SPG11: variants seen among roughly 807,000 people sequenced by gnomAD.
The protein encoded by SPG11 is SPG11 vesicle trafficking associated, spatacsin.
A neutral mutation model predicts 274.0 loss-of-function variants in SPG11; 222 were observed. The ratio of observed to expected loss-of-function variants is 0.81; its 90% CI spans 0.73 to 0.91. The LOEUF is 0.91. Among genes scored for constraint, SPG11 ranks in the 40% least tolerant of loss-of-function variants. The probability of loss-of-function intolerance (pLI) is 0.00; values close to 1 mark genes in which losing one functional copy is unlikely to be tolerated. For synonymous variants in SPG11, 1,144 were observed against 1,039.7 expected (o/e 1.10, Z -1.93); for missense variants, 3,114 against 2,872.7 (o/e 1.08, Z -1.92).
At chr15:44,588,025 A>T (rs1185336417) in intron 28 of SPG11, among the ~76,000 whole-genome samples, 1 of 152,160 alleles carries the variant, frequency 6.6e-6, no homozygotes, top group African/African-American at 2.4e-5. Context: ...CCTTTTAGTC[A>T]TCAGATCCAC....
At chr15:44,594,595 C>CGAA (rs2082986359) in intron 26 of SPG11, among the ~76,000 whole-genome samples, 1 of 76,346 alleles carries the variant, frequency 1.3e-5, no homozygotes, top group African/African-American at 4.4e-5. Flanking sequence ...ATTAAAAATG[C>CGAA]GAAAAAAAAA....
rs770702010 is a variant in SPG11 at position 44,611,002 on chromosome 15, A to G, written c.3146-17T>C. On this transcript the variant is annotated splice_polypyrimidine_tract_variant and intron_variant, in intron 17 of 39. Transcript: ENST00000261866. ...GTTTGGGATCTGGAAAATAAAAGAC[A>G]GTGTTTTTCTCCTTAAGAGGGATAA... 6 of 1,607,862 alleles carry G rather than the reference A, an allele frequency of 3.7e-6. 1 individual carries two copies. The highest frequency in any genetic ancestry group is 1.7e-4 in the Middle Eastern group (1 of 6,042).
At chr15:44,603,702 G>A (rs895365169) in intron 20 of SPG11, among the ~76,000 whole-genome samples, 13 of 152,134 alleles carry the variant, frequency 8.5e-5, no homozygotes, top group Admixed American at 8.5e-4. Context: ...AAAATCCACA[G>A]AAGGATGCTC....
chr15:44,644,065 G>A (rs1463057465), intron 7 of SPG11, among the ~76,000 whole-genome samples: 1 of 151,882 alleles, frequency 6.6e-6, no homozygotes, highest in Non-Finnish European at 1.5e-5. Context: ...TACTCAGGAG[G>A]CTGAGGCAGG....
chr15:44,582,762 A>G (rs2082681946), intron 30 of SPG11, among the ~76,000 whole-genome samples: 1 of 145,948 alleles, frequency 6.9e-6, no homozygotes, highest in East Asian at 2.0e-4. Flanking sequence ...TAGTCTAACG[A>G]AAAAAAAAAC....
chr15:44,661,344 A>T (rs992007656), intron 1 of SPG11, among the ~76,000 whole-genome samples: 1 of 152,222 alleles, frequency 6.6e-6, no homozygotes, highest in Non-Finnish European at 1.5e-5. Context: ...TAAATTACAC[A>T]TTACAAATAA....
At chr15:44,659,333 T>G in intron 2 of SPG11, 30 bp from the exon 3 acceptor site, 1 of 1,573,346 alleles carries the variant, frequency 6.4e-7, no homozygotes, top group Non-Finnish European at 8.7e-7. Flanking sequence ...TATTTCAAAC[T>G]CATTGGTCAC....
intron 5 of SPG11, 34 bp from the exon 6 acceptor site, chr15:44,651,973 T>G: frequency 6.3e-7 from 1 of 1,596,754 alleles, no homozygotes; most frequent in Non-Finnish European, 8.5e-7. Context: ...TTAACACCTG[T>G]CACAGTAAAA....
At chr15:44,620,671 A>T in intron 14 of SPG11, 1 of 377,578 alleles carries the variant, frequency 2.6e-6, no homozygotes, top group Non-Finnish European at 4.8e-6. Flanking sequence ...AGTAGCAGGG[A>T]CTACAGGGAT....
At chr15:44,593,635 G>C (rs1405488087) in intron 26 of SPG11, among the ~76,000 whole-genome samples, 1 of 152,080 alleles carries the variant, frequency 6.6e-6, no homozygotes, top group Non-Finnish European at 1.5e-5. Context: ...AGAAAGTATG[G>C]CTCTGAACTG....
chr15:44,569,368 C>T, intron 35 of SPG11, 30 bp downstream of exon 35: 1 of 1,451,512 alleles, frequency 6.9e-7, no homozygotes, highest in Non-Finnish European at 9.6e-7. Context: ...GCAGTACACC[C>T]CATCCTGGAG....
chr15:44,662,650 TA>T (rs527806518), intron 1 of SPG11, among the ~76,000 whole-genome samples: 2,365 of 91,174 alleles, frequency 0.026, 46 homozygotes, highest in African/African-American at 0.079. Flanking sequence ...ACCTTATCTT[TA>T]AAAAAAAAAA....
At chr15:44,570,767 A>T in intron 33 of SPG11, 109 bp from the exon 34 acceptor site, 1 of 1,443,484 alleles carries the variant, frequency 6.9e-7, no homozygotes, top group Non-Finnish European at 9.5e-7. Flanking sequence ...GCCTGTCTGG[A>T]GAGGGCCGTC....
intron 33 of SPG11, among the ~76,000 whole-genome samples, chr15:44,572,075 G>A (rs538998242): frequency 6.6e-4 from 101 of 152,352 alleles, no homozygotes; most frequent in African/African-American, 2.1e-3. Flanking sequence ...GATTACAGGC[G>A]TGGGCCACTG....
At chr15:44,609,538 G>C (rs570733145) in intron 18 of SPG11, among the ~76,000 whole-genome samples, 7 of 152,134 alleles carry the variant, frequency 4.6e-5, no homozygotes, top group Non-Finnish European at 1.0e-4. Context: ...GGTAGCTGAA[G>C]ATTATAGTTT....
intron 26 of SPG11, among the ~76,000 whole-genome samples, chr15:44,593,009 T>C (rs915589997): frequency 1.3e-5 from 2 of 151,894 alleles, no homozygotes; most frequent in Non-Finnish European, 2.9e-5. Flanking sequence ...GAAATGCTAT[T>C]AGCAATAGCT....
At chr15:44,625,941 A>C (rs2083886088) in intron 11 of SPG11, among the ~76,000 whole-genome samples, 1 of 152,110 alleles carries the variant, frequency 6.6e-6, no homozygotes, top group Non-Finnish European at 1.5e-5. Context: ...CAGCCTCCCA[A>C]AGTGCTGGGA....
rs2141025069 is a variant in SPG11, at chr15:44,620,500, T to C, written c.2621-97A>G. Reference sequence around the variant, plus strand: ...CTGAGTAAATATAACAATCTGGACATAGATATTTATACAATATATTAATTA... The same window carrying C: ...CTGAGTAAATATAACAATCTGGACACAGATATTTATACAATATATTAATTA... On this transcript the variant is annotated intron_variant, in intron 14 of 39. Coordinates refer to ENST00000261866, the MANE Select transcript of SPG11 (RefSeq NM_025137.4). 5 of 843,576 alleles carry C rather than the reference T, an allele frequency of 5.9e-6. No homozygotes were observed. In the Middle Eastern group the frequency reaches 1.0e-3, roughly 171 times the overall value. 52.3% of individuals were successfully genotyped at this position (843,576 alleles called of 1,614,324 possible). A position where few individuals can be genotyped will look rare whatever the true frequency, so the allele number is the denominator to read the frequency against.
intron 5 of SPG11, 33 bp from the exon 6 acceptor site, chr15:44,651,972 G>C: frequency 6.3e-7 from 1 of 1,595,744 alleles, no homozygotes; most frequent in Non-Finnish European, 8.5e-7. Context: ...CTTAACACCT[G>C]TCACAGTAAA....
Sources: allele counts gnomAD v4.1 joint callset (sites outside exome capture counted in the v4.1 genomes callset), GRCh38; gene constraint gnomAD v4.1.1; transcripts MANE v1.5; gene names NCBI Gene and HGNC (gene_info 2026-07-23, HGNC 2026-07-21).